Variants in CHD5 observed in about 807,000 individuals in gnomAD.
CHD5 encodes the protein chromodomain helicase DNA binding protein 5.
In CHD5, 69 loss-of-function variants were observed where a neutral mutation model predicts 230.3. The ratio of observed to expected loss-of-function variants is 0.30; its 90% CI spans 0.25 to 0.37. CHD5 has a LOEUF of 0.37. Ranked by LOEUF, CHD5 falls within the 10% of genes least tolerant of loss-of-function variation. The pLI, the probability that CHD5 is intolerant of heterozygous loss-of-function variation, is 1.00. For synonymous variants in CHD5, 1,064 were observed against 1,065.9 expected, an observed-to-expected ratio of 1.00 and a Z score of 0.03; for missense variants, 1,827 against 2,622.8, an observed-to-expected ratio of 0.70 and a Z score of 6.63.
At chr1:6,175,234 A>G (rs566733781) in intron 1 of CHD5, among the ~76,000 whole-genome samples, 1 of 134,398 alleles carries the variant, frequency 7.4e-6, no homozygotes. Context: ...GCGTGGTTGG[A>G]TTGTGGATTG....
At chr1:6,133,424 G>A (rs1403314114) in intron 20 of CHD5, among the ~76,000 whole-genome samples, 2 of 152,362 alleles carry the variant, frequency 1.3e-5, no homozygotes, top group East Asian at 3.9e-4. Context: ...GCTTTCAGTT[G>A]ATGTTTGTGC....
chr1:6,145,810 C>A (rs1021547976), intron 11 of CHD5, among the ~76,000 whole-genome samples: 2 of 152,196 alleles, frequency 1.3e-5, no homozygotes, highest in East Asian at 3.8e-4. Flanking sequence ...AAGTAAGACG[C>A]CTCCCTCCCA....
chr1:6,167,432 C>T lies in CHD5; in HGVS notation c.207+718G>A, dbSNP rs549842049. On this transcript the variant is annotated intron_variant, in intron 2 of 41. Coordinates refer to ENST00000262450, the MANE Select transcript of CHD5 (RefSeq NM_015557.3). The surrounding 1 kb of genome is among the most constrained non-coding windows in gnomAD (Gnocchi z 4.5). Reference sequence around the variant, plus strand: ...CAGACAGCATATGGTGAGGAAATGGCAGACCTCAGTGTCCTAGACCAAGTA... The same window carrying T: ...CAGACAGCATATGGTGAGGAAATGGTAGACCTCAGTGTCCTAGACCAAGTA... Among the ~76,000 whole-genome samples the T allele has an allele frequency of 6.6e-6, 1 of 152,290 alleles. No individual in the cohort carries two copies. The highest frequency in any genetic ancestry group is 2.4e-5 in the African/African-American group (1 of 41,562).
rs772759526 is a variant in CHD5 at position 6,106,703 on chromosome 1, G to A, written c.5655C>T (p.Ile1885=). The A allele has an allele frequency of 1.2e-5, 20 of 1,611,858 alleles. No individual in the cohort carries two copies. Among genetic ancestry groups the A allele is most frequent in the East Asian group, 6.7e-5 (3 of 44,830 alleles). ...VTRLPSMLSR[I]PPVAARLQMS... ...TCTGCAGCCGGGCGGCCACCGGGGGGATGCGGGACAGCATGGATGGCAGCC... is the reference window on the plus strand; with the variant it reads ...TCTGCAGCCGGGCGGCCACCGGGGGAATGCGGGACAGCATGGATGGCAGCC... The change falls in exon 39 of 42, where the codon ATC becomes ATT. Residue 1885 remains isoleucine, a synonymous_variant. Coordinates refer to ENST00000262450, the MANE Select transcript of CHD5 (RefSeq NM_015557.3).
intron 15 of CHD5, among the ~76,000 whole-genome samples, chr1:6,141,035 A>G (rs1441716955): frequency 8.0e-5 from 12 of 150,456 alleles, no homozygotes; most frequent in African/African-American, 2.9e-4. Context: ...TGGAATCCCA[A>G]CACTTTGGGA....
chr1:6,151,802 GC>G (rs1290118345), intron 6 of CHD5, among the ~76,000 whole-genome samples: 1 of 152,178 alleles, frequency 6.6e-6, no homozygotes, highest in African/African-American at 2.4e-5. Context: ...CCACCGCAGG[GC>G]TGGGGTGAGG....
intron 17 of CHD5, 130 bp downstream of exon 17, chr1:6,136,387 A>G: frequency 9.4e-7 from 1 of 1,068,214 alleles, no homozygotes; most frequent in East Asian, 2.4e-5. Context: ...GGACATTGCT[A>G]ATGCTCCCAT....
rs1056154232 is a variant in CHD5 at position 6,104,133 on chromosome 1, G to A, written c.*1341C>T. Reference sequence around the variant, plus strand: ...AGGATCACACACAAACAGGCCTAGGGAGGGCCTGACCTGCTCCCCATCTCC... The same window carrying A: ...AGGATCACACACAAACAGGCCTAGGAAGGGCCTGACCTGCTCCCCATCTCC... On this transcript the variant is annotated 3_prime_UTR_variant, in exon 42 of 42. Coordinates refer to ENST00000262450, the MANE Select transcript of CHD5 (RefSeq NM_015557.3). The A allele has an allele frequency of 1.3e-5, 2 of 152,270 alleles. No individual in the cohort carries two copies. Among genetic ancestry groups the A allele is most frequent in the Non-Finnish European group, 2.9e-5 (2 of 68,086 alleles). 9.4% of individuals were successfully genotyped at this position (152,270 alleles called of 1,614,324 possible).
At chr1:6,109,265 G>A (rs1378918491) in intron 38 of CHD5, among the ~76,000 whole-genome samples, 1 of 152,130 alleles carries the variant, frequency 6.6e-6, no homozygotes, top group Non-Finnish European at 1.5e-5. Flanking sequence ...GCAGGGCACA[G>A]GGAGGGGTCC....
At chr1:6,169,794 T>C (rs953174453) in intron 1 of CHD5, among the ~76,000 whole-genome samples, 1 of 152,092 alleles carries the variant, frequency 6.6e-6, no homozygotes, top group Non-Finnish European at 1.5e-5. Context: ...CCCAGCCAGC[T>C]TGTCCTACTC....
chr1:6,160,098 A>ACCCCAGCCAGGGAAGGG (rs1174712644), intron 2 of CHD5, among the ~76,000 whole-genome samples: 9 of 113,082 alleles, frequency 8.0e-5, no homozygotes, highest in Non-Finnish European at 1.4e-4. Flanking sequence ...GAGAAGAAGA[A>ACCCCAGCCAGGGAAGGG]CCCCAGCCAG....
intron 2 of CHD5, 36 bp from the exon 3 acceptor site, chr1:6,159,551 C>T: frequency 1.3e-6 from 2 of 1,567,020 alleles, no homozygotes; most frequent in Non-Finnish European, 1.7e-6. Flanking sequence ...GCAACAGAGG[C>T]CCCAGGAACA....
chr1:6,116,848 C>T (rs1666385369), intron 33 of CHD5, among the ~76,000 whole-genome samples: 1 of 152,130 alleles, frequency 6.6e-6, no homozygotes. Flanking sequence ...TAGGCAAACA[C>T]AAACTGGTAA....
rs113325586 is a variant in CHD5, at chr1:6,128,030, G to A, written c.3903+16C>T. 2,172 of 1,579,876 alleles carry A rather than the reference G, an allele frequency of 1.4e-3. 20 individuals are homozygous for A. In the African/African-American group the frequency reaches 0.025, roughly 18 times the overall value. ...GAGGGCGGGGCTGCGGATGGAGGGC[G>A]GGCCGGGGACCTTACCACGCCGTCC... On this transcript the variant is annotated intron_variant, in intron 25 of 41. Transcript: ENST00000262450. This position sits in a 1 kb window ranked among gnomAD's most constrained non-coding sequence, Gnocchi z 7.8.
At chr1:6,120,640 A>C (rs1203901963) in intron 33 of CHD5, among the ~76,000 whole-genome samples, 2 of 152,204 alleles carry the variant, frequency 1.3e-5, no homozygotes, top group African/African-American at 2.4e-5. Flanking sequence ...AGTCTCTATT[A>C]AAAATACAAA....
At chr1:6,116,300 G>A (rs1666377441) in intron 33 of CHD5, among the ~76,000 whole-genome samples, 1 of 152,130 alleles carries the variant, frequency 6.6e-6, no homozygotes, top group Non-Finnish European at 1.5e-5. Flanking sequence ...ACCAATCAAT[G>A]AGTAATAGGA....
At chr1:6,147,924 C>T (rs1666936540) in intron 9 of CHD5, among the ~76,000 whole-genome samples, 1 of 152,030 alleles carries the variant, frequency 6.6e-6, no homozygotes, top group Admixed American at 6.5e-5. Context: ...ACCCTTCCTA[C>T]CCAGGCCATG....
At chr1:6,158,956 G>T (rs1200031674) in intron 3 of CHD5, among the ~76,000 whole-genome samples, 1 of 127,886 alleles carries the variant, frequency 7.8e-6, no homozygotes, top group Non-Finnish European at 1.6e-5. Context: ...GCAGTGAGCC[G>T]AGATCCCGCC....
intron 1 of CHD5, among the ~76,000 whole-genome samples, chr1:6,171,681 C>A (rs1667341304): frequency 6.6e-6 from 1 of 152,262 alleles, no homozygotes; most frequent in African/African-American, 2.4e-5. Context: ...TGCCCTTGAG[C>A]CCACCAGTCC....
Sources: allele counts gnomAD v4.1 joint callset (sites outside exome capture counted in the v4.1 genomes callset), GRCh38; gene constraint gnomAD v4.1.1; non-coding constraint Gnocchi (gnomAD v3.1); transcripts MANE v1.5; gene names NCBI Gene and HGNC (gene_info 2026-07-23, HGNC 2026-07-21).